TMEM38B: variants seen among roughly 807,000 people sequenced by gnomAD.
TMEM38B encodes transmembrane protein 38B.
In TMEM38B, 24 loss-of-function variants were observed where a neutral mutation model predicts 28.7. The ratio of observed to expected loss-of-function variants is 0.84; its 90% CI spans 0.61 to 1.18. The LOEUF is 1.18. Among genes scored for constraint, TMEM38B ranks in the 50% most tolerant of loss-of-function variants. The pLI is 0.00. For missense variants in TMEM38B, 380 were observed against 350.9 expected (o/e 1.08, Z -0.66); for synonymous variants, 131 against 127.7 (o/e 1.03, Z -0.17).
At chr9:105,750,457 C>A (rs531083285) in intron 5 of TMEM38B, among the ~76,000 whole-genome samples, 28 of 152,174 alleles carry the variant, frequency 1.8e-4, no homozygotes, top group African/African-American at 6.0e-4. Flanking sequence ...AACCCCATCT[C>A]TACTAAAAAT....
At chr9:105,730,817 T>A (rs1317439870) in intron 4 of TMEM38B, among the ~76,000 whole-genome samples, 1 of 152,222 alleles carries the variant, frequency 6.6e-6, no homozygotes, top group Admixed American at 6.5e-5. Context: ...TCCAGGAATT[T>A]ATCCATTTCT....
intron 5 of TMEM38B, among the ~76,000 whole-genome samples, chr9:105,751,068 G>T (rs1227356694): frequency 6.6e-6 from 1 of 152,136 alleles, no homozygotes; most frequent in African/African-American, 2.4e-5. Flanking sequence ...AAATCAAGAC[G>T]TGTGACTCTG....
intron 4 of TMEM38B, among the ~76,000 whole-genome samples, chr9:105,737,682 C>T (rs2133601482): frequency 6.6e-6 from 1 of 152,248 alleles, no homozygotes; most frequent in African/African-American, 2.4e-5. Context: ...GCTCTATTTC[C>T]CTGGGATGCG....
intron 5 of TMEM38B, among the ~76,000 whole-genome samples, chr9:105,754,559 C>A (rs764523339): frequency 3.9e-4 from 60 of 152,138 alleles, no homozygotes; most frequent in Non-Finnish European, 6.0e-4. Context: ...AGGCAGAAAT[C>A]AAGAAGTTGT....
chr9:105,764,663 T>G (rs1033517270), intron 5 of TMEM38B, among the ~76,000 whole-genome samples: 7 of 151,252 alleles, frequency 4.6e-5, no homozygotes, highest in African/African-American at 7.3e-5. Context: ...CTGCCCAAGG[T>G]AATTTACAGA....
At chr9:105,735,631 A>G (rs1374904837) in intron 4 of TMEM38B, among the ~76,000 whole-genome samples, 1 of 152,158 alleles carries the variant, frequency 6.6e-6, no homozygotes, top group East Asian at 1.9e-4. Context: ...GGCCTGTAAG[A>G]TTTCTGTTGA....
Position 105,710,303 on chromosome 9 carries a change from G to A in TMEM38B, c.269+4550G>A, listed in dbSNP as rs1262506788. On this transcript the variant is annotated intron_variant, in intron 2 of 5. Transcript: ENST00000374692. ...GCTACAGTTTGGTCTGTCATTGTCG[G>A]AATGGCTTCTGCTACTCTGTGGTCT... The A allele has an allele frequency of 1.1e-5, 7 of 664,012 alleles. No individual in the cohort carries two copies. In the South Asian group the frequency reaches 1.1e-4, roughly 11 times the overall value. 41.1% of individuals were successfully genotyped at this position (664,012 alleles called of 1,614,324 possible).
At chr9:105,738,109 T>A (rs1837052158) in intron 4 of TMEM38B, among the ~76,000 whole-genome samples, 2 of 152,132 alleles carry the variant, frequency 1.3e-5, no homozygotes, top group South Asian at 4.1e-4. Context: ...TGTAGCACAG[T>A]AGCAGGTTGG....
intron 4 of TMEM38B, among the ~76,000 whole-genome samples, chr9:105,743,410 C>T (rs1588444520): frequency 6.6e-6 from 1 of 152,212 alleles, no homozygotes; most frequent in East Asian, 1.9e-4. Context: ...TTATAGGAAC[C>T]TTTAGATTTG....
At chr9:105,744,894 A>G (rs1588446329) in intron 4 of TMEM38B, among the ~76,000 whole-genome samples, 2 of 152,310 alleles carry the variant, frequency 1.3e-5, no homozygotes, top group African/African-American at 4.8e-5. Context: ...AGCTTCATCC[A>G]TGTCCCTACA....
chr9:105,753,211 G>A (rs760216819), intron 5 of TMEM38B, among the ~76,000 whole-genome samples: 4 of 152,132 alleles, frequency 2.6e-5, no homozygotes, highest in African/African-American at 9.7e-5. Context: ...TGAAAGAGAC[G>A]AGGAGAATGG....
At chr9:105,767,090 G>A (rs753040020) in intron 5 of TMEM38B, among the ~76,000 whole-genome samples, 84 of 151,686 alleles carry the variant, frequency 5.5e-4, no homozygotes, top group Non-Finnish European at 9.4e-4. Context: ...TACTTTTAGA[G>A]TCTGTGAACC....
At chr9:105,700,239 A>G (rs1690165824) in intron 1 of TMEM38B, among the ~76,000 whole-genome samples, 1 of 152,220 alleles carries the variant, frequency 6.6e-6, no homozygotes, top group Admixed American at 6.5e-5. Context: ...AGATGCTGTT[A>G]TAGCCCTAAA....
Position 105,773,882 on chromosome 9 carries a change from A to G in TMEM38B, c.678A>G (p.Thr226=), listed in dbSNP as rs766066299. The G allele has an allele frequency of 6.2e-7, 1 of 1,613,530 alleles. No individual in the cohort carries two copies. The highest frequency in any genetic ancestry group is 1.1e-5 in the South Asian group (1 of 91,056). Residue 226 remains threonine, a synonymous_variant, in exon 6 of 6, where the codon ACA becomes ACG. Transcript: ENST00000374692. The stretch of plus-strand genomic sequence containing the variant: ...TCCCCCAGATAACCATGATGACTAC[A>G]CAGACTTCTACTATGACATTTGCTC... ...IVATKITMMT[T]QTSTMTFAPF...
At chr9:105,746,334 A>G in intron 4 of TMEM38B, among the ~76,000 whole-genome samples, 1 of 152,070 alleles carries the variant, frequency 6.6e-6, no homozygotes, top group Non-Finnish European at 1.5e-5. Flanking sequence ...ATTCTCTTTG[A>G]AGCAATTGTG....
At chr9:105,733,421 CTTTTTTT>C (rs71306454) in intron 4 of TMEM38B, among the ~76,000 whole-genome samples, 5 of 127,856 alleles carry the variant, frequency 3.9e-5, no homozygotes, top group African/African-American at 8.5e-5. Flanking sequence ...TTTCTTTTTT[CTTTTTTT>C]TTTTTTTTGC....
chr9:105,743,288 T>G (rs1837271060), intron 4 of TMEM38B, among the ~76,000 whole-genome samples: 3 of 152,212 alleles, frequency 2.0e-5, no homozygotes, highest in South Asian at 4.1e-4. Flanking sequence ...TTGTAATTTA[T>G]TGCCATAGCC....
At chr9:105,734,881 G>A (rs1047624967) in intron 4 of TMEM38B, among the ~76,000 whole-genome samples, 1 of 96,568 alleles carries the variant, frequency 1.0e-5, no homozygotes, top group African/African-American at 4.0e-5. Flanking sequence ...TTTTTTTTTT[G>A]TCAGTTCAAC....
intron 5 of TMEM38B, chr9:105,758,444 T>G (rs1837913482): frequency 1.1e-5 from 15 of 1,380,304 alleles, no homozygotes; most frequent in Middle Eastern, 3.8e-4. Flanking sequence ...TTAAAAAATA[T>G]GGCAGTTGTT....
Sources: allele counts gnomAD v4.1 joint callset (sites outside exome capture counted in the v4.1 genomes callset), GRCh38; gene constraint gnomAD v4.1.1; transcripts MANE v1.5; gene names NCBI Gene and HGNC (gene_info 2026-07-23, HGNC 2026-07-21).